The following CDON variants were observed in gnomAD, a reference collection of about 807,000 sequenced individuals.
The protein encoded by CDON is cell adhesion molecule-related/down-regulated by oncogenes.
CDON carries 73 observed loss-of-function variants against 120.9 expected under a neutral mutation model. The observed-to-expected ratio is 0.60, with a 90% CI of 0.50 to 0.73. The LOEUF (loss-of-function observed/expected upper bound fraction) is 0.73, where lower values mean the gene tolerates loss of function less well. Among genes scored for constraint, CDON ranks in the 30% least tolerant of loss-of-function variants. The probability of loss-of-function intolerance (pLI) is 0.00; values close to 1 mark genes in which losing one functional copy is unlikely to be tolerated. For missense variants in CDON, 1,470 were observed against 1,587.3 expected (o/e 0.93, Z 1.26); for synonymous variants, 566 against 573.5 (o/e 0.99, Z 0.19).
At chr11:125,993,403 A>G (rs1187029742) in intron 14 of CDON, among the ~76,000 whole-genome samples, 3 of 149,386 alleles carry the variant, frequency 2.0e-5, no homozygotes, top group Non-Finnish European at 3.0e-5. Flanking sequence ...GTGCACACAC[A>G]CACACACACA....
Position 125,988,857 on chromosome 11 carries a change from T to C in CDON, c.2773+780A>G, listed in dbSNP as rs569003715. On this transcript the variant is annotated intron_variant, in intron 15 of 19. Coordinates refer to ENST00000531738, the MANE Select transcript of CDON (RefSeq NM_001378964.1). ...CAAGTAGATAGAAGTTACATATCTG[T>C]CATTCAAGAAACCACCTTTAACATA... 2.0e-5 allele frequency among the ~76,000 whole-genome samples: 3 copies of C among 152,310 alleles called. No individual in the cohort carries two copies. The East Asian group carries it at 5.8e-4, about 29-fold the overall frequency.
At chr11:126,008,885 G>GTT (rs1261191994) in intron 8 of CDON, among the ~76,000 whole-genome samples, 2 of 152,192 alleles carry the variant, frequency 1.3e-5, no homozygotes, top group African/African-American at 2.4e-5. Context: ...TGCCACAAGA[G>GTT]ATCACTGTAA....
chr11:126,048,894 A>C (rs1325915909), intron 1 of CDON, among the ~76,000 whole-genome samples: 8 of 151,982 alleles, frequency 5.3e-5, no homozygotes, highest in African/African-American at 9.7e-5. Context: ...GTAGAGACGG[A>C]GTTTCTCCAT....
chr11:125,960,521 A>C lies in CDON; in HGVS notation c.*421T>G, dbSNP rs899785201. Reference sequence around the variant, plus strand: ...CAAACAAAAAAAAGTCTGAGAATACACTATTGAAAGACCATTTTCCACCTG... The same window carrying C: ...CAAACAAAAAAAAGTCTGAGAATACCCTATTGAAAGACCATTTTCCACCTG... On this transcript the variant is annotated 3_prime_UTR_variant, in exon 20 of 20. Transcript: ENST00000531738. 9.8e-6 allele frequency: 2 copies of C among 204,332 alleles called. No homozygotes were observed. The highest frequency in any genetic ancestry group is 4.7e-5 in the African/African-American group (2 of 42,230). 12.7% of individuals were successfully genotyped at this position (204,332 alleles called of 1,614,324 possible).
At position 125,997,236 on chromosome 11, in the gene CDON, A is replaced by C. The variant is rs1565514553; in HGVS notation, c.2333T>G (p.Leu778Arg). 6.2e-7 allele frequency: 1 copy of C among 1,613,882 alleles called. No individual in the cohort carries two copies. The highest frequency in any genetic ancestry group is 2.2e-5 in the East Asian group (1 of 44,874). Residue 778 changes from leucine (L) to arginine (R), a missense_variant, in exon 12 of 20, where the codon CTT becomes CGT. Leu to Arg is a moderately radical substitution (Grantham distance 102, BLOSUM62 -2). Coordinates refer to ENST00000531738, the MANE Select transcript of CDON (RefSeq NM_001378964.1). ...TTCTAAACTACGAACTTCCACTGAAAGTTTGGAAGGAGGGATGTCTTCAGC... is the reference window on the plus strand; with the variant it reads ...TTCTAAACTACGAACTTCCACTGAACGTTTGGAAGGAGGGATGTCTTCAGC... Reference protein sequence around the residue: ...VAAEDIPPSKLSVEVRSLEPG... With the variant: ...VAAEDIPPSKRSVEVRSLEPG...
At chr11:125,981,989 T>TTTTTTG (rs1946324719) in intron 16 of CDON, among the ~76,000 whole-genome samples, 1 of 122,730 alleles carries the variant, frequency 8.1e-6, no homozygotes, top group Admixed American at 8.4e-5. Context: ...TTTTTTTTTT[T>TTTTTTG]TTTTTTTTTT....
In CDON at chr11:126,053,693, C is replaced by T. The variant is rs561720476; in HGVS notation, c.-62+8886G>A. ...CTATGTAATGTATTGCATACCATAT[C>T]GAGCCACATGGTGAGGTTTAACCCC... is the stretch of plus-strand genomic sequence containing the variant. On this transcript the variant is annotated intron_variant, in intron 1 of 19. Coordinates refer to ENST00000531738, the MANE Select transcript of CDON (RefSeq NM_001378964.1). Among the ~76,000 whole-genome samples the T allele has an allele frequency of 1.6e-3, 242 of 152,212 alleles. 1 individual carries two copies. Among genetic ancestry groups the T allele is most frequent in the African/African-American group, 5.6e-3 (233 of 41,530 alleles).
At chr11:125,971,382 C>CTAAATAAATAAATAAATAAATAAATAAA (rs374833815) in intron 18 of CDON, among the ~76,000 whole-genome samples, 1 of 103,182 alleles carries the variant, frequency 9.7e-6, no homozygotes, top group South Asian at 3.3e-4. Context: ...GACTCTGTCT[C>CTAAATAAATAAATAAATAAATAAATAAA]TAAATAAATA....
chr11:125,968,247 CA>C (rs1945862028), intron 18 of CDON, among the ~76,000 whole-genome samples: 1 of 152,184 alleles, frequency 6.6e-6, no homozygotes, highest in Non-Finnish European at 1.5e-5. Context: ...GATGACTCGC[CA>C]GACAATGAGA....
intron 1 of CDON, among the ~76,000 whole-genome samples, chr11:126,058,280 A>C (rs886427307): frequency 6.6e-6 from 1 of 152,230 alleles, no homozygotes; most frequent in Non-Finnish European, 1.5e-5. Context: ...GATATACAGC[A>C]GAACAAAATG....
At chr11:126,045,781 A>AC (rs1432695285) in intron 1 of CDON, among the ~76,000 whole-genome samples, 1 of 152,136 alleles carries the variant, frequency 6.6e-6, no homozygotes, top group Non-Finnish European at 1.5e-5. Context: ...GACCAGCCTG[A>AC]CCAACACAGA....
At chr11:126,020,273 C>T (rs976529924) in intron 3 of CDON, among the ~76,000 whole-genome samples, 9 of 152,120 alleles carry the variant, frequency 5.9e-5, no homozygotes, top group African/African-American at 2.2e-4. Flanking sequence ...ACTTTCCCTA[C>T]GGATCTTTAA....
chr11:126,057,369 C>T (rs552879302), intron 1 of CDON, among the ~76,000 whole-genome samples: 1 of 152,246 alleles, frequency 6.6e-6, no homozygotes, highest in South Asian at 2.1e-4. Flanking sequence ...AAATGTTATT[C>T]AATAACATGA....
chr11:125,999,845 G>A (rs1167695078), intron 11 of CDON, among the ~76,000 whole-genome samples: 6 of 152,088 alleles, frequency 3.9e-5, no homozygotes, highest in Non-Finnish European at 8.8e-5. Flanking sequence ...ATTCAACTTT[G>A]AAGCATATCA....
At position 125,960,766 on chromosome 11, in the gene CDON, T is replaced by C; in HGVS notation, c.*176A>G. The C allele has an allele frequency of 1.5e-6, 1 of 658,636 alleles. No individual in the cohort carries two copies. The highest frequency in any genetic ancestry group is 2.7e-6 in the Non-Finnish European group (1 of 370,524). The allele number at this position is 658,636 out of a possible 1,614,324, so 40.8% of individuals were successfully genotyped here. A position where few individuals can be genotyped will look rare whatever the true frequency, so the allele number is the denominator to read the frequency against. ...AATGGGGAAGAAAACATTTAAGGCA[T>C]AAATAATATAAAAGGGCACACGTTT... On this transcript the variant is annotated 3_prime_UTR_variant, in exon 20 of 20. Transcript: ENST00000531738.
chr11:126,040,329 T>A (rs938638232), intron 1 of CDON, among the ~76,000 whole-genome samples: 1 of 152,234 alleles, frequency 6.6e-6, no homozygotes, highest in African/African-American at 2.4e-5. Flanking sequence ...ATTTTGCTCA[T>A]CACTGTACAG....
chr11:125,988,046 T>C (rs960356659), intron 15 of CDON, among the ~76,000 whole-genome samples: 4 of 152,240 alleles, frequency 2.6e-5, no homozygotes, highest in African/African-American at 9.6e-5. Context: ...GTAGAGACCC[T>C]GATGGCTGCC....
At chr11:125,985,632 G>A (rs763654320) in intron 15 of CDON, among the ~76,000 whole-genome samples, 48 of 152,226 alleles carry the variant, frequency 3.2e-4, no homozygotes, top group Non-Finnish European at 5.3e-4. Flanking sequence ...TTATTATACC[G>A]AATCTCCTGT....
intron 9 of CDON, 50 bp downstream of exon 9, chr11:126,005,709 A>T: frequency 6.5e-7 from 1 of 1,541,242 alleles, no homozygotes; most frequent in Admixed American, 1.7e-5. Flanking sequence ...ATGTTATACA[A>T]AGAACGTTCA....
Sources: gnomAD v4.1 joint callset for allele counts (sites outside exome capture counted in the v4.1 genomes callset) on GRCh38, gnomAD v4.1.1 for gene constraint, MANE v1.5 for transcripts, NCBI Gene and HGNC (gene_info 2026-07-23, HGNC 2026-07-21) for gene names.